SEPTIN4: variants seen among roughly 807,000 people sequenced by gnomAD.
SEPTIN4 encodes the protein septin 4, also known as septin-4.
SEPTIN4 carries 52 observed loss-of-function variants against 107.1 expected under a neutral mutation model. That is an observed-to-expected ratio of 0.49 (90% CI 0.39 to 0.61). SEPTIN4 has a LOEUF of 0.61. Ranked by LOEUF, SEPTIN4 falls within the 20% of genes least tolerant of loss-of-function variation. The pLI, the probability that SEPTIN4 is intolerant of heterozygous loss-of-function variation, is 0.00. For missense variants in SEPTIN4, 1,048 were observed against 1,243.5 expected (o/e 0.84, Z 2.36); for synonymous variants, 417 against 467.0 (o/e 0.89, Z 1.38).
chr17:58,543,863 C>T lies in SEPTIN4; in HGVS notation c.324G>A (p.Lys108=), dbSNP rs370938533. 1 of 1,614,108 alleles carries T rather than the reference C, an allele frequency of 6.2e-7. No individual in the cohort carries two copies. The highest frequency in any genetic ancestry group is 2.2e-5 in the East Asian group (1 of 44,874). The part of the protein sequence containing the change: ...RHSSPHLKSQ[K]TQTLASHASS... The stretch of plus-strand genomic sequence containing the variant: ...AAGCATGGGAAGCCAGTGTCTGAGT[C>T]TTCTGGCTCTTTAGATGGGGAGAGG... Residue 108 remains lysine, a synonymous_variant, in exon 1 of 14, where the codon AAG becomes AAA. Coordinates refer to ENST00000672673, the MANE Select transcript of SEPTIN4 (RefSeq NM_001368771.2).
In SEPTIN4 at chr17:58,521,072, C is replaced by T. The variant is rs529370158; in HGVS notation, c.2757G>A (p.Glu919=). 3 of 1,614,190 alleles carry T rather than the reference C, an allele frequency of 1.9e-6. No individual in the cohort carries two copies. The African/African-American group carries it at 4.0e-5, about 22-fold the overall frequency. The change falls in exon 12 of 14, where the codon GAG becomes GAA. Residue 919 remains glutamate (E), a synonymous_variant. Coordinates refer to ENST00000672673, the MANE Select transcript of SEPTIN4 (RefSeq NM_001368771.2). The surrounding 1 kb of genome is among the most constrained non-coding windows in gnomAD (Gnocchi z 6.4). Reference sequence around the variant, plus strand: ...GTGCCCGGTAGTTCTCATAATGTGTCTCCCGTGTCACATCCTTCAGGTCCT... The same window carrying T: ...GTGCCCGGTAGTTCTCATAATGTGTTTCCCGTGTCACATCCTTCAGGTCCT... The part of the protein sequence containing the change: ...HMQDLKDVTR[E]THYENYRAQC...
intron 3 of SEPTIN4, 115 bp from the exon 4 acceptor site, chr17:58,527,093 T>C (rs1398896704): frequency 6.4e-7 from 1 of 1,551,480 alleles, no homozygotes; most frequent in Non-Finnish European, 8.8e-7. Context: ...GGAAAGCACT[T>C]GTGGTTAGAA....
intron 7 of SEPTIN4, among the ~76,000 whole-genome samples, chr17:58,524,023 T>A (rs2042560104): frequency 6.6e-6 from 1 of 152,178 alleles, no homozygotes; most frequent in African/African-American, 2.4e-5. Context: ...GTAGGTAAAT[T>A]GATTGAAGGA....
rs2043966968 is a variant in SEPTIN4, at chr17:58,544,166, A to G, written c.21T>C (p.Pro7=). Residue 7 remains proline, a synonymous_variant, in exon 1 of 14, where the codon CCT becomes CCC. Transcript: ENST00000672673. The part of the protein sequence containing the change: MVKTNK[P]GAKVAVSAQR... ...GTGCTGAAACCGCTACCTTGGCCCC[A>G]GGTTTATTTGTCTTGACCATCTGAT... 3.7e-6 allele frequency: 6 copies of G among 1,612,602 alleles called. No individual in the cohort carries two copies. The highest frequency in any genetic ancestry group is 5.1e-6 in the Non-Finnish European group (6 of 1,179,218).
intron 3 of SEPTIN4, chr17:58,529,914 C>G (rs2043319798): frequency 6.6e-6 from 1 of 152,088 alleles, no homozygotes; most frequent in African/African-American, 2.4e-5. Context: ...ACTCCCCTTA[C>G]CCTAGGACAC....
At chr17:58,532,184 G>T in intron 3 of SEPTIN4, 1 of 849,458 alleles carries the variant, frequency 1.2e-6, no homozygotes, top group Non-Finnish European at 1.5e-6. Flanking sequence ...GGGGTGCCCA[G>T]CTGGGGGCCG....
intron 3 of SEPTIN4, among the ~76,000 whole-genome samples, chr17:58,537,107 G>A (rs1158834674): frequency 6.6e-6 from 1 of 152,152 alleles, no homozygotes; most frequent in African/African-American, 2.4e-5. Flanking sequence ...AAGAACTAAG[G>A]GAGTCTGGCC....
In SEPTIN4 at chr17:58,526,246, C is replaced by T; in HGVS notation, c.1979G>A (p.Gly660Asp). Residue 660 changes from glycine to aspartate, a missense_variant, in exon 5 of 14, where the codon GGC (glycine) becomes GAC (aspartate). Coordinates refer to ENST00000672673, the MANE Select transcript of SEPTIN4 (RefSeq NM_001368771.2). ...NQVHRKSVKK[G>D]FDFTLMVAGE... ...TGCCACCATGAGGGTAAAGTCAAAG[C>T]CTTTCTTCACGGACTTTCGGTGGAC... 2 of 1,605,020 alleles carry T rather than the reference C, an allele frequency of 1.2e-6. No individual in the cohort carries two copies. Among genetic ancestry groups the T allele is most frequent in the Non-Finnish European group, 1.7e-6 (2 of 1,175,654 alleles).
chr17:58,530,602 A>G (rs2043372888), intron 3 of SEPTIN4: 1 of 152,306 alleles, frequency 6.6e-6, no homozygotes, highest in Non-Finnish European at 1.5e-5. Context: ...GGCCTCGGAC[A>G]AGCCGAAAGC....
At chr17:58,537,438 A>G (rs2043750560) in intron 3 of SEPTIN4, among the ~76,000 whole-genome samples, 1 of 152,182 alleles carries the variant, frequency 6.6e-6, no homozygotes, top group Non-Finnish European at 1.5e-5. Context: ...CTGCTCTGGA[A>G]TTGGCTGCCC....
In SEPTIN4 at chr17:58,538,086, T is replaced by TA. The variant is rs1356804276; in HGVS notation, c.1614+2579dup. ...CTCCAACCTGGGCAACAGAACACTT[T>TA]AAAAAAAAGCGAGGGAGGGTTCCTT... On this transcript the variant is annotated intron_variant, in intron 3 of 13. Transcript: ENST00000672673. This position sits in a 1 kb window ranked among gnomAD's most constrained non-coding sequence, Gnocchi z 4.7. 6.6e-6 allele frequency among the ~76,000 whole-genome samples: 1 copy of TA among 151,772 alleles called. No individual in the cohort carries two copies. The highest frequency in any genetic ancestry group is 1.5e-5 in the Non-Finnish European group (1 of 67,894).
Position 58,521,955 on chromosome 17 carries a change from C to CT in SEPTIN4, c.2351+11dup. ...ACCCGGTGGTGCCAGGAGCCTCAGG[C>CT]TTGGACCATACCCATGGCCGAAGGG... On this transcript the variant is annotated intron_variant, in intron 8 of 13. Coordinates refer to ENST00000672673, the MANE Select transcript of SEPTIN4 (RefSeq NM_001368771.2). The surrounding 1 kb of genome is among the most constrained non-coding windows in gnomAD (Gnocchi z 6.4). 1 of 1,614,230 alleles carries CT rather than the reference C, an allele frequency of 6.2e-7. No individual in the cohort carries two copies. Among genetic ancestry groups the CT allele is most frequent in the Non-Finnish European group, 8.5e-7 (1 of 1,180,040 alleles).
intron 6 of SEPTIN4, 96 bp from the exon 7 acceptor site, chr17:58,525,297 T>A: frequency 6.9e-7 from 1 of 1,449,134 alleles, no homozygotes; most frequent in Non-Finnish European, 9.4e-7. Flanking sequence ...TCAGACTGCC[T>A]AATCCACACT....
chr17:58,527,319 T>C (rs1339958331), intron 3 of SEPTIN4: 4 of 462,814 alleles, frequency 8.6e-6, no homozygotes, highest in Non-Finnish European at 1.6e-5. Flanking sequence ...TTCCTGGGGT[T>C]CTGGCCTAGC....
rs1437840232 is a variant in SEPTIN4, at chr17:58,538,303, C to CT, written c.1614+2362dup. On this transcript the variant is annotated intron_variant, in intron 3 of 13. Coordinates refer to ENST00000672673, the MANE Select transcript of SEPTIN4 (RefSeq NM_001368771.2). This position sits in a 1 kb window ranked among gnomAD's most constrained non-coding sequence, Gnocchi z 4.7. The stretch of plus-strand genomic sequence containing the variant: ...CACATGACATGTCATCCAAAAGACA[C>CT]TGAGGTCTGCCTTAAGTATCAGTGA... 6.6e-6 allele frequency among the ~76,000 whole-genome samples: 1 copy of CT among 152,372 alleles called. No homozygotes were observed. The highest frequency in any genetic ancestry group is 2.4e-5 in the African/African-American group (1 of 41,600).
At chr17:58,534,602 C>A (rs1307278161) in intron 3 of SEPTIN4, among the ~76,000 whole-genome samples, 1 of 152,202 alleles carries the variant, frequency 6.6e-6, no homozygotes, top group Non-Finnish European at 1.5e-5. Flanking sequence ...GCTAGTTCTC[C>A]CTCAAAATTC....
Position 58,521,931 on chromosome 17 carries a change from C to A in SEPTIN4, c.2351+36G>T. 6.2e-7 allele frequency: 1 copy of A among 1,614,244 alleles called. No homozygotes were observed. Among genetic ancestry groups the A allele is most frequent in the Non-Finnish European group, 8.5e-7 (1 of 1,180,046 alleles). The stretch of plus-strand genomic sequence containing the variant: ...CTCTTGGCCTGTTCCCTTGACAGCA[C>A]CCGGTGGTGCCAGGAGCCTCAGGCT... On this transcript the variant is annotated intron_variant, in intron 8 of 13. Transcript: ENST00000672673. This position sits in a 1 kb window ranked among gnomAD's most constrained non-coding sequence, Gnocchi z 6.4.
Position 58,543,821 on chromosome 17 carries a change from T to C in SEPTIN4, c.366A>G (p.Lys122=). ...LASHASSRQW[K]VSPPREEAAR... is the part of the protein sequence containing the mutation. The stretch of plus-strand genomic sequence containing the variant: ...CTGCTTCCTCTCTGGGTGGACTAAC[T>C]TTCCATTGTCTGCTTGAAGCATGGG... The change falls in exon 1 of 14, where the codon AAA becomes AAG. Residue 122 remains lysine (K), a synonymous_variant. Transcript: ENST00000672673. 6.2e-7 allele frequency: 1 copy of C among 1,614,180 alleles called. No individual in the cohort carries two copies. The highest frequency in any genetic ancestry group is 8.5e-7 in the Non-Finnish European group (1 of 1,180,036).
intron 3 of SEPTIN4, chr17:58,531,940 C>T (rs1277394780): frequency 8.7e-7 from 1 of 1,146,618 alleles, no homozygotes; most frequent in East Asian, 4.4e-5. Context: ...CCGCGCCCGC[C>T]CGCCTGCCTG....
Sources: gnomAD v4.1 joint callset for allele counts (sites outside exome capture counted in the v4.1 genomes callset) on GRCh38, gnomAD v4.1.1 for gene constraint, Gnocchi (gnomAD v3.1) non-coding constraint, MANE v1.5 for transcripts, NCBI Gene and HGNC (gene_info 2026-07-23, HGNC 2026-07-21) for gene names.